The following UST variants were observed in gnomAD, a reference collection of about 807,000 sequenced individuals.
UST encodes the protein uronyl 2-sulfotransferase, also known as chondroitin sulfate 2-O-sulfotransferase.
UST carries 21 observed loss-of-function variants against 45.6 expected under a neutral mutation model. The ratio of observed to expected loss-of-function variants is 0.46; its 90% CI spans 0.33 to 0.66. The LOEUF is 0.66. UST is among the 30% of genes least tolerant of loss of function. The probability of loss-of-function intolerance (pLI) is 0.02; values close to 1 mark genes in which losing one functional copy is unlikely to be tolerated. For missense variants in UST, 463 were observed against 512.4 expected (o/e 0.90, Z 0.93); for synonymous variants, 215 against 200.6 (o/e 1.07, Z -0.61).
intron 1 of UST, among the ~76,000 whole-genome samples, chr6:148,872,698 G>A (rs562500350): frequency 6.6e-6 from 1 of 152,178 alleles, no homozygotes; most frequent in South Asian, 2.1e-4. Context: ...CAGTAGGGCT[G>A]TGTTCCTTCT....
At chr6:148,769,750 T>TTGTGTGTGTGTGTGTGTGTG (rs57316536) in intron 1 of UST, among the ~76,000 whole-genome samples, 70 of 148,224 alleles carry the variant, frequency 4.7e-4, no homozygotes, top group African/African-American at 1.7e-3. Context: ...GAGCCTGTGT[T>TTGTGTGTGTGTGTGTGTGTG]TGTGTGTGTG....
chr6:148,777,851 G>A (rs9498155), intron 1 of UST, among the ~76,000 whole-genome samples: 4,552 of 152,276 alleles, frequency 0.03, 96 homozygotes, highest in Non-Finnish European at 0.041. Context: ...ACCACACCTG[G>A]CCTAGGTATA....
intron 5 of UST, among the ~76,000 whole-genome samples, chr6:148,969,806 CG>C (rs1309085058): frequency 1.3e-5 from 2 of 152,186 alleles, no homozygotes; most frequent in African/African-American, 4.8e-5. Flanking sequence ...TTCCTTCCCC[CG>C]GGAACCTGTT....
intron 2 of UST, among the ~76,000 whole-genome samples, chr6:148,926,864 T>C (rs970198504): frequency 2.0e-5 from 3 of 152,154 alleles, no homozygotes; most frequent in Non-Finnish European, 2.9e-5. Flanking sequence ...GGAAAGTAGA[T>C]ATTAGGTAAG....
intron 1 of UST, among the ~76,000 whole-genome samples, chr6:148,823,995 T>TA (rs1405672540): frequency 2.0e-5 from 3 of 152,182 alleles, no homozygotes; most frequent in African/African-American, 7.2e-5. Context: ...CTTTGACTGA[T>TA]ACAAGGAGAT....
At chr6:148,817,504 G>A (rs1777378761) in intron 1 of UST, among the ~76,000 whole-genome samples, 2 of 152,154 alleles carry the variant, frequency 1.3e-5, no homozygotes, top group South Asian at 2.1e-4. Flanking sequence ...TTGAAATCAG[G>A]TACATTAAGA....
At chr6:148,944,315 C>G (rs2114926611) in intron 3 of UST, among the ~76,000 whole-genome samples, 1 of 152,202 alleles carries the variant, frequency 6.6e-6, no homozygotes, top group East Asian at 1.9e-4. Flanking sequence ...GGGACTTTAT[C>G]CACCGTGTAG....
At chr6:148,922,356 C>T (rs752475041) in intron 2 of UST, among the ~76,000 whole-genome samples, 3 of 81,104 alleles carry the variant, frequency 3.7e-5, no homozygotes, top group Non-Finnish European at 7.1e-5. Flanking sequence ...ATACAATATA[C>T]AATATGTGGC....
intron 2 of UST, among the ~76,000 whole-genome samples, chr6:148,919,657 A>G (rs1187088920): frequency 6.6e-6 from 1 of 152,244 alleles, no homozygotes; most frequent in African/African-American, 2.4e-5. Flanking sequence ...TTGTCTTCTG[A>G]AAACTGTTAT....
At chr6:148,902,013 C>T (rs982439803) in intron 2 of UST, among the ~76,000 whole-genome samples, 3 of 152,058 alleles carry the variant, frequency 2.0e-5, no homozygotes, top group African/African-American at 7.2e-5. Flanking sequence ...AAGGTTTTTG[C>T]CAGTTTTATT....
intron 2 of UST, among the ~76,000 whole-genome samples, chr6:148,930,019 G>A (rs61636972): frequency 0.035 from 5,295 of 152,172 alleles, 319 homozygotes; most frequent in African/African-American, 0.12. Flanking sequence ...TTGGGTAGGT[G>A]TACTTTGCAA....
chr6:148,842,953 A>G (rs1777916503), intron 1 of UST, among the ~76,000 whole-genome samples: 1 of 152,182 alleles, frequency 6.6e-6, no homozygotes, highest in Non-Finnish European at 1.5e-5. Flanking sequence ...TAAAATAAAG[A>G]ACACGCCTAT....
At chr6:148,977,807 C>T (rs1781049948) in intron 5 of UST, among the ~76,000 whole-genome samples, 1 of 151,870 alleles carries the variant, frequency 6.6e-6, no homozygotes, top group East Asian at 1.9e-4. Flanking sequence ...GTCCGCTACC[C>T]CCACCCCACA....
At position 149,026,760 on chromosome 6, in the gene UST, T is replaced by C. The variant is rs115462320; in HGVS notation, c.937+5279T>C. On this transcript the variant is annotated intron_variant, in intron 7 of 7. Transcript: ENST00000367463. ...CTTCCTAGCGACTTGAAAACTCATG[T>C]GTCCAATCCTTTTACTTTGTGTTTT... Among the ~76,000 whole-genome samples, 524 of 152,346 alleles carry C rather than the reference T, an allele frequency of 3.4e-3. 1 individual carries two copies. The highest frequency in any genetic ancestry group is 0.012 in the African/African-American group (509 of 41,582).
chr6:148,882,785 T>C lies in UST; in HGVS notation c.248-4201T>C, dbSNP rs535664148. Among the ~76,000 whole-genome samples, 29 of 152,314 alleles carry C rather than the reference T, an allele frequency of 1.9e-4. No individual in the cohort carries two copies. The East Asian group carries it at 3.1e-3, about 16-fold the overall frequency. ...TTGAGGGGCGCTTGTGAGGATTAGATAAAATGATCTTTACAAAGTGCCTGC... is the reference window on the plus strand; with the variant it reads ...TTGAGGGGCGCTTGTGAGGATTAGACAAAATGATCTTTACAAAGTGCCTGC... On this transcript the variant is annotated intron_variant, in intron 1 of 7. Transcript: ENST00000367463.
intron 1 of UST, among the ~76,000 whole-genome samples, chr6:148,873,252 G>A (rs1778591095): frequency 6.6e-6 from 1 of 152,100 alleles, no homozygotes; most frequent in South Asian, 2.1e-4. Context: ...AGCTAACCGG[G>A]ACCAGGAAAA....
At chr6:149,013,590 A>C (rs1775851599) in intron 5 of UST, among the ~76,000 whole-genome samples, 1 of 152,094 alleles carries the variant, frequency 6.6e-6, no homozygotes, top group Non-Finnish European at 1.5e-5. Context: ...ATCGACTGAG[A>C]TTATGTAGCT....
chr6:148,765,113 G>T (rs1776297787), intron 1 of UST, among the ~76,000 whole-genome samples: 1 of 152,106 alleles, frequency 6.6e-6, no homozygotes, highest in Non-Finnish European at 1.5e-5. Context: ...AGACTTTAAG[G>T]TTATCTCCCT....
chr6:148,909,735 ATTACT>A (rs1399314772), intron 2 of UST, among the ~76,000 whole-genome samples: 2 of 152,186 alleles, frequency 1.3e-5, no homozygotes, highest in Admixed American at 6.5e-5. Context: ...CTTCTAAGTG[ATTACT>A]TTGCTTTGCT....
Sources: gnomAD v4.1 joint callset for allele counts (sites outside exome capture counted in the v4.1 genomes callset) on GRCh38, gnomAD v4.1.1 for gene constraint, MANE v1.5 for transcripts, NCBI Gene and HGNC (gene_info 2026-07-23, HGNC 2026-07-21) for gene names.